Variants in CTNNA2 observed in about 807,000 individuals in gnomAD.
The protein encoded by CTNNA2 is catenin alpha-2.
CTNNA2 carries 42 observed loss-of-function variants against 101.0 expected under a neutral mutation model. The ratio of observed to expected loss-of-function variants is 0.42; its 90% CI spans 0.32 to 0.54. The LOEUF (loss-of-function observed/expected upper bound fraction) is 0.54. Ranked by LOEUF, CTNNA2 falls within the 20% of genes least tolerant of loss-of-function variation. The pLI is 0.14. For synonymous variants in CTNNA2, 450 were observed against 456.4 expected (o/e 0.99, Z 0.18); for missense variants, 871 against 1,223.1 (o/e 0.71, Z 4.29).
intron 2 of CTNNA2, among the ~76,000 whole-genome samples, chr2:79,715,504 GAA>G (rs1401204193): frequency 6.6e-6 from 1 of 152,046 alleles, no homozygotes; most frequent in Admixed American, 6.6e-5. Flanking sequence ...CAACAAAAAG[GAA>G]ACCAAACTCC....
intron 4 of CTNNA2, among the ~76,000 whole-genome samples, chr2:79,475,418 C>A (rs1244543783): frequency 7.3e-5 from 11 of 151,576 alleles, no homozygotes. Context: ...ATTTTTTTTT[C>A]CTTAAGGAGC....
intron 9 of CTNNA2, among the ~76,000 whole-genome samples, chr2:80,541,573 A>G (rs1199666740): frequency 2.0e-5 from 3 of 152,208 alleles, no homozygotes; most frequent in Admixed American, 2.0e-4. Flanking sequence ...GGAAGTTACT[A>G]GTTAGCGTTT....
intron 14 of CTNNA2, among the ~76,000 whole-genome samples, chr2:80,587,652 T>A (rs555004735): frequency 6.6e-6 from 1 of 152,310 alleles, no homozygotes; most frequent in East Asian, 1.9e-4. Flanking sequence ...TTAGTTATAG[T>A]CCTTCCAAAT....
intron 3 of CTNNA2, among the ~76,000 whole-genome samples, chr2:79,766,902 C>T (rs772373598): frequency 7.9e-5 from 12 of 151,852 alleles, no homozygotes; most frequent in African/African-American, 1.9e-4. Flanking sequence ...ATTATAGACA[C>T]GCGCCACCAT....
intron 2 of CTNNA2, among the ~76,000 whole-genome samples, chr2:79,286,889 C>T (rs9713472): frequency 0.1 from 15,810 of 152,222 alleles, 856 homozygotes; most frequent in Non-Finnish European, 0.12. Context: ...CTTTCAGGTA[C>T]ACCAATCAGA....
At chr2:79,480,939 T>A (rs1329816737) in intron 4 of CTNNA2, among the ~76,000 whole-genome samples, 1 of 152,166 alleles carries the variant, frequency 6.6e-6, no homozygotes, top group South Asian at 2.1e-4. Flanking sequence ...TGATGATAAA[T>A]ATTTTACTGT....
In CTNNA2 at chr2:79,570,403, G is replaced by C. The variant is rs141284929; in HGVS notation, c.-6+57196G>C. Among the ~76,000 whole-genome samples, 974 of 152,096 alleles carry C rather than the reference G, an allele frequency of 6.4e-3. 11 individuals are homozygous for C. The highest frequency in any genetic ancestry group is 0.03 in the South Asian group (143 of 4,812). On this transcript the variant is annotated intron_variant, in intron 1 of 18. Transcript: ENST00000402739. ...CTGGGATATATGATGAAATATTCTTGATGGACCCTTTGTAAATGTGGAAAA... is the reference window on the plus strand; with the variant it reads ...CTGGGATATATGATGAAATATTCTTCATGGACCCTTTGTAAATGTGGAAAA...
intron 3 of CTNNA2, among the ~76,000 whole-genome samples, chr2:79,819,846 AT>A (rs1677864583): frequency 6.6e-6 from 1 of 152,132 alleles, no homozygotes; most frequent in Non-Finnish European, 1.5e-5. Flanking sequence ...AATTACCCTG[AT>A]TTGATCATTA....
chr2:80,070,951 T>C (rs1698301639), intron 7 of CTNNA2, among the ~76,000 whole-genome samples: 1 of 152,172 alleles, frequency 6.6e-6, no homozygotes, highest in African/African-American at 2.4e-5. Context: ...TAAAGATACA[T>C]GTGTTTATAT....
chr2:79,599,500 C>A (rs1031221268), intron 1 of CTNNA2, among the ~76,000 whole-genome samples: 2 of 151,958 alleles, frequency 1.3e-5, no homozygotes, highest in Non-Finnish European at 2.9e-5. Flanking sequence ...TTCTCTGTGG[C>A]CTATTAATTT....
intron 18 of CTNNA2, among the ~76,000 whole-genome samples, chr2:80,631,347 C>G (rs1057030561): frequency 7.0e-6 from 1 of 143,850 alleles, no homozygotes; most frequent in African/African-American, 2.6e-5. Flanking sequence ...GGCTTTCTTT[C>G]AAAGAAACCA....
At chr2:79,772,676 G>C (rs1305045085) in intron 3 of CTNNA2, among the ~76,000 whole-genome samples, 1 of 152,026 alleles carries the variant, frequency 6.6e-6, no homozygotes, top group Non-Finnish European at 1.5e-5. Context: ...GAGCTCAAGC[G>C]GTTCTCCTGC....
intron 9 of CTNNA2, among the ~76,000 whole-genome samples, chr2:80,480,562 T>G (rs1308819190): frequency 1.3e-5 from 2 of 152,110 alleles, no homozygotes; most frequent in Non-Finnish European, 2.9e-5. Flanking sequence ...AGGCCTATTG[T>G]GCGACCTGAA....
chr2:80,408,197 A>G (rs1199565450), intron 8 of CTNNA2, among the ~76,000 whole-genome samples: 2 of 152,130 alleles, frequency 1.3e-5, no homozygotes, highest in South Asian at 2.1e-4. Flanking sequence ...GCTTATATTT[A>G]TAATAGACGT....
At chr2:80,559,718 T>A (rs1385686855) in intron 12 of CTNNA2, among the ~76,000 whole-genome samples, 2 of 152,046 alleles carry the variant, frequency 1.3e-5, no homozygotes, top group Non-Finnish European at 2.9e-5. Context: ...ACATGGCATA[T>A]TTGATGGGCT....
At chr2:79,233,257 C>G (rs1674518431) in intron 2 of CTNNA2, among the ~76,000 whole-genome samples, 1 of 152,056 alleles carries the variant, frequency 6.6e-6, no homozygotes, top group African/African-American at 2.4e-5. Context: ...AGGTGTGTCT[C>G]TATATTCATT....
intron 7 of CTNNA2, among the ~76,000 whole-genome samples, chr2:80,361,489 A>G (rs1268987734): frequency 6.6e-6 from 1 of 152,258 alleles, no homozygotes; most frequent in East Asian, 1.9e-4. Flanking sequence ...AAATGTTCAC[A>G]AACTACATGT....
At chr2:79,912,385 T>A (rs1453638877) in intron 7 of CTNNA2, among the ~76,000 whole-genome samples, 1 of 152,252 alleles carries the variant, frequency 6.6e-6, no homozygotes, top group African/African-American at 2.4e-5. Flanking sequence ...CTTAGCCACG[T>A]AGCTTCCATT....
chr2:80,302,221 T>G lies in CTNNA2; in HGVS notation c.1057-90990T>G. The G allele has an allele frequency of 6.3e-7, 1 of 1,594,326 alleles. No homozygotes were observed. The highest frequency in any genetic ancestry group is 8.6e-7 in the Non-Finnish European group (1 of 1,169,484). On this transcript the variant is annotated intron_variant, in intron 7 of 18. Transcript: ENST00000402739. This position sits in a 1 kb window ranked among gnomAD's most constrained non-coding sequence, Gnocchi z 6.4. ...GTCCCGGCTGCCCAGGCGTATTTGG[T>G]AGCGCATGGGTTGAGAGCCACTGGG...
Sources: gnomAD v4.1 joint callset for allele counts (sites outside exome capture counted in the v4.1 genomes callset) on GRCh38, gnomAD v4.1.1 for gene constraint, Gnocchi (gnomAD v3.1) non-coding constraint, MANE v1.5 for transcripts, NCBI Gene and HGNC (gene_info 2026-07-23, HGNC 2026-07-21) for gene names.